The following IQCM variants were observed in gnomAD, a reference collection of about 807,000 sequenced individuals.
IQCM encodes the protein IQ domain-containing protein M.
In IQCM, 45 loss-of-function variants were observed where a neutral mutation model predicts 57.6. The observed-to-expected ratio is 0.78, with a 90% CI of 0.62 to 1.00. IQCM has a LOEUF of 1.00. Among genes scored for constraint, IQCM ranks in the 50% least tolerant of loss-of-function variants. The pLI is 0.00. For missense variants in IQCM, 468 were observed against 511.6 expected, an observed-to-expected ratio of 0.91 and a Z score of 0.82; for synonymous variants, 148 against 158.9, an observed-to-expected ratio of 0.93 and a Z score of 0.51.
chr4:149,664,097 T>C (rs1234985169), intron 7 of IQCM, among the ~76,000 whole-genome samples: 1 of 152,172 alleles, frequency 6.6e-6, no homozygotes, highest in Non-Finnish European at 1.5e-5. Context: ...CTCAATGGTA[T>C]TTTTACTTCA....
At chr4:149,468,425 G>C (rs1316683932) in intron 12 of IQCM, among the ~76,000 whole-genome samples, 2 of 152,210 alleles carry the variant, frequency 1.3e-5, no homozygotes, top group Non-Finnish European at 2.9e-5. Context: ...GCGAGGCTGG[G>C]GGAGGGGCGT....
intron 2 of IQCM, among the ~76,000 whole-genome samples, chr4:149,771,426 T>A (rs898515824): frequency 1.3e-5 from 2 of 152,096 alleles, no homozygotes; most frequent in African/African-American, 4.8e-5. Context: ...TCTTAAAAAA[T>A]CCTCATATTA....
chr4:149,368,783 T>C (rs56167772), intron 13 of IQCM, among the ~76,000 whole-genome samples: 29,062 of 77,038 alleles, frequency 0.38, 8,069 homozygotes, highest in Admixed American at 0.5. Flanking sequence ...TATATATACA[T>C]GTATATATAT....
chr4:149,388,418 T>C (rs2111070064), intron 13 of IQCM, among the ~76,000 whole-genome samples: 1 of 149,942 alleles, frequency 6.7e-6, no homozygotes. Context: ...TTCACTATGC[T>C]TTTGATTTTC....
At chr4:149,475,007 C>T (rs1740029761) in intron 12 of IQCM, among the ~76,000 whole-genome samples, 1 of 152,112 alleles carries the variant, frequency 6.6e-6, no homozygotes, top group Non-Finnish European at 1.5e-5. Context: ...AGGTTTGATC[C>T]TTACTCAGCT....
chr4:149,456,418 T>C (rs1174670327), intron 12 of IQCM, among the ~76,000 whole-genome samples: 1 of 152,128 alleles, frequency 6.6e-6, no homozygotes, highest in Non-Finnish European at 1.5e-5. Context: ...GAGATATATT[T>C]GGGATGGGAC....
chr4:149,673,715 G>A (rs1761511875), intron 7 of IQCM, among the ~76,000 whole-genome samples: 1 of 152,112 alleles, frequency 6.6e-6, no homozygotes, highest in African/African-American at 2.4e-5. Context: ...ACAGATCAAT[G>A]AGACAGAAAG....
At chr4:149,618,753 G>A (rs1377341289) in intron 8 of IQCM, among the ~76,000 whole-genome samples, 3 of 151,966 alleles carry the variant, frequency 2.0e-5, no homozygotes, top group South Asian at 4.2e-4. Context: ...ATCACTAATC[G>A]CCAAAGAAAT....
At chr4:149,609,175 C>T (rs137901867) in intron 8 of IQCM, among the ~76,000 whole-genome samples, 4 of 151,678 alleles carry the variant, frequency 2.6e-5, no homozygotes, top group East Asian at 3.9e-4. Flanking sequence ...ATGCAACCTA[C>T]GAAGATTGAA....
chr4:149,522,469 A>C (rs1380050702), intron 12 of IQCM, among the ~76,000 whole-genome samples: 1 of 152,240 alleles, frequency 6.6e-6, no homozygotes, highest in Non-Finnish European at 1.5e-5. Flanking sequence ...ACATACCATT[A>C]AAGACCAAAA....
intron 12 of IQCM, among the ~76,000 whole-genome samples, chr4:149,493,569 A>G (rs1297833462): frequency 1.3e-5 from 2 of 152,082 alleles, no homozygotes; most frequent in Middle Eastern, 3.4e-3. Context: ...TTTGAGAGCA[A>G]TCTCCTGTGT....
intron 12 of IQCM, among the ~76,000 whole-genome samples, chr4:149,507,564 C>T (rs780250480): frequency 2.0e-5 from 3 of 152,096 alleles, no homozygotes; most frequent in Non-Finnish European, 4.4e-5. Flanking sequence ...ATTTGTGGAA[C>T]TTTGAACTTG....
intron 2 of IQCM, among the ~76,000 whole-genome samples, chr4:149,802,354 C>T (rs1213759150): frequency 6.6e-6 from 1 of 151,964 alleles, no homozygotes; most frequent in South Asian, 2.1e-4. Flanking sequence ...TATTACCTCT[C>T]GTAGTCACTG....
intron 5 of IQCM, among the ~76,000 whole-genome samples, chr4:149,731,864 T>G (rs1439985998): frequency 7.0e-6 from 1 of 142,420 alleles, no homozygotes; most frequent in Non-Finnish European, 1.5e-5. Context: ...TAACGTGTAT[T>G]TTATTTAAAT....
intron 13 of IQCM, among the ~76,000 whole-genome samples, chr4:149,406,815 T>C (rs1374988038): frequency 6.6e-6 from 1 of 152,186 alleles, no homozygotes; most frequent in Non-Finnish European, 1.5e-5. Context: ...TCTGTATTAG[T>C]CTGTTTTCAC....
intron 7 of IQCM, 73 bp downstream of exon 7, chr4:149,682,045 G>C: frequency 1.9e-6 from 1 of 532,406 alleles, no homozygotes; most frequent in African/African-American, 2.0e-5. Flanking sequence ...CTAGCTCTTT[G>C]TTTTTGCATT....
intron 13 of IQCM, among the ~76,000 whole-genome samples, chr4:149,380,317 T>G (rs1054685297): frequency 1.3e-5 from 2 of 152,078 alleles, no homozygotes; most frequent in African/African-American, 4.8e-5. Flanking sequence ...TAAAAGTAAC[T>G]CTATACACAC....
At chr4:149,473,773 C>CT (rs1560885797) in intron 12 of IQCM, among the ~76,000 whole-genome samples, 38 of 152,280 alleles carry the variant, frequency 2.5e-4, no homozygotes, top group African/African-American at 8.9e-4. Context: ...GGCATATATA[C>CT]ACCATGGAAT....
At chr4:149,468,724 C>A (rs558131586) in intron 12 of IQCM, among the ~76,000 whole-genome samples, 5 of 152,320 alleles carry the variant, frequency 3.3e-5, no homozygotes, top group Non-Finnish European at 7.3e-5. Context: ...AAACACCTCC[C>A]AGTAGGGGCC....
Sources: allele counts gnomAD v4.1 joint callset (sites outside exome capture counted in the v4.1 genomes callset), GRCh38; gene constraint gnomAD v4.1.1; transcripts MANE v1.5; gene names NCBI Gene and HGNC (gene_info 2026-07-23, HGNC 2026-07-21).